DAPP1: variants seen among roughly 807,000 people sequenced by gnomAD.
DAPP1 encodes the protein dual adapter for phosphotyrosine and 3-phosphotyrosine and 3-phosphoinositide.
In DAPP1, 20 loss-of-function variants were observed where a neutral mutation model predicts 41.5. The observed-to-expected ratio is 0.48, with a 90% confidence interval of 0.34 to 0.70. The LOEUF (loss-of-function observed/expected upper bound fraction) is 0.70, where lower values mean the gene tolerates loss of function less well. Ranked by LOEUF, DAPP1 falls within the 30% of genes least tolerant of loss-of-function variation. The probability of loss-of-function intolerance (pLI) is 0.01; values close to 1 mark genes in which losing one functional copy is unlikely to be tolerated. For missense variants in DAPP1, 233 were observed against 333.4 expected (o/e 0.70, Z 2.35); for synonymous variants, 113 against 116.2 (o/e 0.97, Z 0.18).
intron 7 of DAPP1, chr4:99,864,309 C>A (rs143395583): frequency 6.5e-6 from 1 of 153,308 alleles, no homozygotes; most frequent in Non-Finnish European, 1.5e-5. Flanking sequence ...TTCCCACTAC[C>A]TTTTATTTTA....
intron 5 of DAPP1, 26 bp downstream of exon 5, chr4:99,861,651 C>T: frequency 1.3e-6 from 2 of 1,561,366 alleles, no homozygotes; most frequent in South Asian, 1.2e-5. Flanking sequence ...TTTGCTCATG[C>T]CAGCCACAGA....
intron 3 of DAPP1, among the ~76,000 whole-genome samples, chr4:99,850,374 C>T (rs1723812312): frequency 6.6e-6 from 1 of 151,820 alleles, no homozygotes; most frequent in South Asian, 2.1e-4. Context: ...CGTGACATTG[C>T]ACTCCAGCCT....
At chr4:99,847,238 GT>G (rs1176205934) in intron 3 of DAPP1, among the ~76,000 whole-genome samples, 1 of 152,102 alleles carries the variant, frequency 6.6e-6, no homozygotes, top group Non-Finnish European at 1.5e-5. Flanking sequence ...CTAAACAAAA[GT>G]TTTTCTTTAG....
In DAPP1 at chr4:99,869,554, C is replaced by T. The variant is rs1012154346; in HGVS notation, c.*1369C>T. 6 of 152,180 alleles carry T rather than the reference C, an allele frequency of 3.9e-5. No individual in the cohort carries two copies. Among genetic ancestry groups the T allele is most frequent in the Admixed American group, 3.9e-4 (6 of 15,284 alleles). 9.4% of individuals were successfully genotyped at this position (152,180 alleles called of 1,614,324 possible). A position where few individuals can be genotyped will look rare whatever the true frequency, so the allele number is the denominator to read the frequency against. On this transcript the variant is annotated 3_prime_UTR_variant, in exon 9 of 9. Coordinates refer to ENST00000512369, the MANE Select transcript of DAPP1 (RefSeq NM_014395.3). ...ATTAAATTTTTGTATATTTCAACAA[C>T]ATTTTAAATGTATTTTGTTATGTTT...
chr4:99,848,856 G>T (rs956407640), intron 3 of DAPP1, among the ~76,000 whole-genome samples: 9 of 152,134 alleles, frequency 5.9e-5, no homozygotes, highest in Admixed American at 4.6e-4. Flanking sequence ...ACCAGGTCAG[G>T]TATTCGAGGG....
At chr4:99,859,181 G>T (rs1022876431) in intron 4 of DAPP1, among the ~76,000 whole-genome samples, 2 of 152,090 alleles carry the variant, frequency 1.3e-5, no homozygotes, top group Non-Finnish European at 2.9e-5. Context: ...CTCCCAAAGT[G>T]CTGGGATTAT....
Position 99,869,187 on chromosome 4 carries a change from CAA to C in DAPP1, c.*1003_*1004del, listed in dbSNP as rs1724562630. The C allele has an allele frequency of 2.0e-5, 3 of 152,132 alleles. No individual in the cohort carries two copies. The highest frequency in any genetic ancestry group is 2.0e-4 in the Admixed American group (3 of 15,268). The allele number at this position is 152,132 out of a possible 1,614,324, so 9.4% of individuals were successfully genotyped here. On this transcript the variant is annotated 3_prime_UTR_variant, in exon 9 of 9. Coordinates refer to ENST00000512369, the MANE Select transcript of DAPP1 (RefSeq NM_014395.3). Reference sequence around the variant, plus strand: ...AAGCACCCTGGGCCTTATTAAAGAGCAACTTCTATTTCCAGTCGGGGGAGTAA... The same window carrying C: ...AAGCACCCTGGGCCTTATTAAAGAGCCTTCTATTTCCAGTCGGGGGAGTAA...
chr4:99,837,889 G>A (rs757935146), intron 2 of DAPP1, among the ~76,000 whole-genome samples: 5 of 151,880 alleles, frequency 3.3e-5, no homozygotes, highest in South Asian at 2.1e-4. Context: ...GTGACAGTTC[G>A]TCAGGCATTA....
chr4:99,862,528 T>G (rs944879017), intron 5 of DAPP1, among the ~76,000 whole-genome samples: 1 of 152,158 alleles, frequency 6.6e-6, no homozygotes, highest in African/African-American at 2.4e-5. Flanking sequence ...CATTGTTGTG[T>G]GAGGATTGGA....
chr4:99,824,337 C>A (rs763836047), intron 1 of DAPP1, among the ~76,000 whole-genome samples: 2 of 152,166 alleles, frequency 1.3e-5, no homozygotes, highest in East Asian at 3.9e-4. Flanking sequence ...AGAACTCAAG[C>A]CTCCTGACTT....
chr4:99,839,957 G>C (rs1723439901), intron 2 of DAPP1, among the ~76,000 whole-genome samples: 1 of 152,220 alleles, frequency 6.6e-6, no homozygotes, highest in Admixed American at 6.5e-5. Context: ...AGATACTCAG[G>C]AGGCTGAGGC....
chr4:99,838,343 G>A (rs1723373101), intron 2 of DAPP1, among the ~76,000 whole-genome samples: 1 of 152,132 alleles, frequency 6.6e-6, no homozygotes, highest in Non-Finnish European at 1.5e-5. Flanking sequence ...TCAGGAGAAT[G>A]ACTATTTTTG....
At chr4:99,855,529 A>T (rs1439366531) in intron 4 of DAPP1, among the ~76,000 whole-genome samples, 1 of 152,226 alleles carries the variant, frequency 6.6e-6, no homozygotes, top group Non-Finnish European at 1.5e-5. Flanking sequence ...TGGAGTTTTT[A>T]AAATAGTGGT....
At position 99,868,838 on chromosome 4, in the gene DAPP1, A is replaced by G. The variant is rs1376365098; in HGVS notation, c.*653A>G. Reference sequence around the variant, plus strand: ...GTGAGAGCTAGATGTCCTATGGGCAATTAGGTAGTATAATAAAGGTAAATG... The same window carrying G: ...GTGAGAGCTAGATGTCCTATGGGCAGTTAGGTAGTATAATAAAGGTAAATG... On this transcript the variant is annotated 3_prime_UTR_variant, in exon 9 of 9. Transcript: ENST00000512369. The G allele has an allele frequency of 6.6e-6, 1 of 152,196 alleles. No homozygotes were observed. The highest frequency in any genetic ancestry group is 6.5e-5 in the Admixed American group (1 of 15,270). The allele number at this position is 152,196 out of a possible 1,614,324, so 9.4% of individuals were successfully genotyped here. A position where few individuals can be genotyped will look rare whatever the true frequency, so the allele number is the denominator to read the frequency against.
At chr4:99,851,534 GT>G (rs537614787) in intron 3 of DAPP1, among the ~76,000 whole-genome samples, 2,404 of 77,768 alleles carry the variant, frequency 0.031, 14 homozygotes, top group East Asian at 0.12. Flanking sequence ...GTTTTGTGTA[GT>G]TTTTTTTTTT....
At chr4:99,834,185 A>G (rs1723217544) in intron 1 of DAPP1, among the ~76,000 whole-genome samples, 1 of 152,216 alleles carries the variant, frequency 6.6e-6, no homozygotes, top group Admixed American at 6.5e-5. Context: ...CAATATGCCT[A>G]GAAAATAAAA....
chr4:99,853,129 C>T, intron 3 of DAPP1, 89 bp from the exon 4 acceptor site: 1 of 1,479,640 alleles, frequency 6.8e-7, no homozygotes, highest in Non-Finnish European at 9.1e-7. Flanking sequence ...AAACAAAAGA[C>T]TTTCCAATCC....
chr4:99,863,930 C>T, intron 7 of DAPP1, 75 bp downstream of exon 7: 1 of 984,158 alleles, frequency 1.0e-6, no homozygotes, highest in Non-Finnish European at 1.5e-6. Flanking sequence ...GAATAGAAAG[C>T]TGTATATCTT....
intron 1 of DAPP1, among the ~76,000 whole-genome samples, chr4:99,818,841 T>C (rs544207272): frequency 5.0e-4 from 76 of 152,352 alleles, no homozygotes; most frequent in Non-Finnish European, 8.2e-4. Context: ...GGCTGTGCTC[T>C]GGAACATCTT....
Sources: allele counts gnomAD v4.1 joint callset (sites outside exome capture counted in the v4.1 genomes callset), GRCh38; gene constraint gnomAD v4.1.1; transcripts MANE v1.5; gene names NCBI Gene and HGNC (gene_info 2026-07-23, HGNC 2026-07-21).